Variants in SMARCC1 observed in about 807,000 individuals in gnomAD.
The protein encoded by SMARCC1 is SWI/SNF complex subunit SMARCC1.
Under a neutral mutation model 147.4 loss-of-function variants are expected in SMARCC1, and 43 were observed. That is an observed-to-expected ratio of 0.29 (90% CI 0.23 to 0.38). The LOEUF (loss-of-function observed/expected upper bound fraction) is 0.38. SMARCC1 is among the 10% of genes least tolerant of loss of function. The probability of loss-of-function intolerance (pLI) is 1.00; values close to 1 mark genes in which losing one functional copy is unlikely to be tolerated. For synonymous variants in SMARCC1, 495 were observed against 484.4 expected (o/e 1.02, Z -0.29); for missense variants, 1,119 against 1,381.1 (o/e 0.81, Z 3.01).
intron 21 of SMARCC1, among the ~76,000 whole-genome samples, chr3:47,645,400 G>A (rs2033106181): frequency 6.6e-6 from 1 of 151,828 alleles, no homozygotes; most frequent in Non-Finnish European, 1.5e-5. Flanking sequence ...GAGTAAAATT[G>A]AAGTTAAATA....
rs765609807 is a variant in SMARCC1 at position 47,662,524 on chromosome 3, T to C, written c.1968A>G (p.Glu656=). 2 of 1,613,680 alleles carry C rather than the reference T, an allele frequency of 1.2e-6. No individual in the cohort carries two copies. The highest frequency in any genetic ancestry group is 1.7e-5 in the Admixed American group (1 of 60,000). The stretch of plus-strand genomic sequence containing the variant: ...GAAGTCTCAAAAAGTGGAGGATGCA[T>C]TCATCCTGAGTACGACTTCCAACAT... ...SEHVGSRTQD[E]CILHFLRLPI... The change falls in exon 20 of 28, where the codon GAA becomes GAG. Residue 656 remains glutamate, a synonymous_variant. Transcript: ENST00000254480.
chr3:47,728,078 CTTTTTT>C (rs1166964500), intron 6 of SMARCC1, among the ~76,000 whole-genome samples: 8 of 56,860 alleles, frequency 1.4e-4, no homozygotes, highest in South Asian at 8.1e-4. Context: ...TTATTAGTCC[CTTTTTT>C]TTTTTTTTTT....
chr3:47,594,535 G>C (rs954750881), intron 26 of SMARCC1, among the ~76,000 whole-genome samples: 5 of 152,128 alleles, frequency 3.3e-5, no homozygotes, highest in African/African-American at 1.2e-4. Context: ...CAGGATAAAA[G>C]GGACAAATGG....
intron 14 of SMARCC1, among the ~76,000 whole-genome samples, chr3:47,683,008 T>C (rs182946374): frequency 6.6e-6 from 1 of 152,256 alleles, no homozygotes; most frequent in Admixed American, 6.5e-5. Flanking sequence ...TTGTATTTAC[T>C]GAAAACATCC....
intron 26 of SMARCC1, among the ~76,000 whole-genome samples, chr3:47,599,177 A>G (rs1466694675): frequency 6.6e-6 from 1 of 152,200 alleles, no homozygotes; most frequent in African/African-American, 2.4e-5. Context: ...ACCTGAGGTC[A>G]GGAGTTTGAG....
intron 18 of SMARCC1, among the ~76,000 whole-genome samples, chr3:47,673,181 CAA>C (rs933074882): frequency 2.6e-5 from 4 of 151,448 alleles, no homozygotes; most frequent in African/African-American, 9.7e-5. Context: ...CTCAGGAGTT[CAA>C]GACAAACCAG....
At chr3:47,747,939 T>C (rs1176435811) in intron 2 of SMARCC1, among the ~76,000 whole-genome samples, 1 of 151,486 alleles carries the variant, frequency 6.6e-6, no homozygotes, top group Non-Finnish European at 1.5e-5. Context: ...GGGTGGATCA[T>C]GTGAGGTGAG....
intron 24 of SMARCC1, among the ~76,000 whole-genome samples, chr3:47,634,027 T>C (rs578189822): frequency 6.6e-5 from 10 of 152,104 alleles, no homozygotes; most frequent in Non-Finnish European, 1.0e-4. Context: ...ATATTAGCCG[T>C]CACTTAAGCA....
chr3:47,596,772 G>C (rs546590821), intron 26 of SMARCC1, among the ~76,000 whole-genome samples: 1 of 152,056 alleles, frequency 6.6e-6, no homozygotes, highest in East Asian at 1.9e-4. Flanking sequence ...TTAGTGCCTA[G>C]AGCAGAGAAA....
At chr3:47,738,797 A>G (rs1176573718) in intron 3 of SMARCC1, among the ~76,000 whole-genome samples, 1 of 152,232 alleles carries the variant, frequency 6.6e-6, no homozygotes, top group African/African-American at 2.4e-5. Context: ...ATTTAAACAG[A>G]CAAGTTTTCT....
chr3:47,621,309 A>G (rs1230803353), intron 25 of SMARCC1, among the ~76,000 whole-genome samples: 1 of 151,978 alleles, frequency 6.6e-6, no homozygotes, highest in Non-Finnish European at 1.5e-5. Flanking sequence ...AAAAAAAAAA[A>G]AAAAAAAAAG....
intron 18 of SMARCC1, among the ~76,000 whole-genome samples, chr3:47,671,196 A>AAACAAAAAAAAAAAAACAAAAC (rs1553682000): frequency 1.2e-5 from 1 of 81,144 alleles, no homozygotes; most frequent in African/African-American, 4.0e-5. Flanking sequence ...AAAAAAAAAA[A>AAACAAAAAAAAAAAAACAAAAC]AACACACACA....
At chr3:47,622,020 A>G (rs968901392) in intron 25 of SMARCC1, among the ~76,000 whole-genome samples, 187 bp downstream of exon 25, 1 of 152,200 alleles carries the variant, frequency 6.6e-6, no homozygotes, top group African/African-American at 2.4e-5. Flanking sequence ...GAGTTAACAG[A>G]GTGCCTTTTA....
At chr3:47,634,080 T>G (rs539497926) in intron 24 of SMARCC1, among the ~76,000 whole-genome samples, 2 of 152,166 alleles carry the variant, frequency 1.3e-5, no homozygotes, top group African/African-American at 4.8e-5. Flanking sequence ...GTAGGGGAGA[T>G]AGAATAACTA....
chr3:47,624,894 T>TAAAA (rs60766054), intron 24 of SMARCC1, among the ~76,000 whole-genome samples: 3 of 111,752 alleles, frequency 2.7e-5, no homozygotes, highest in African/African-American at 3.4e-5. Context: ...TACTAAAAAT[T>TAAAA]AAAAAAAAAA....
In SMARCC1 at chr3:47,610,081, G is replaced by A. The variant is rs781044156; in HGVS notation, c.3028C>T (p.His1010Tyr). ...PLMHHQMPPP[H>Y]PPQPGQIPGP... ...TTCCTCTTACCTGGCTGGGGTGGAT[G>A]AGGTGGTGGCATCTGGTGGTGCATC... The change falls in exon 26 of 28, where the codon CAT becomes TAT. Residue 1010 changes from histidine (H) to tyrosine (Y), a missense_variant. His to Tyr is a moderately conservative substitution (Grantham distance 83). Coordinates refer to ENST00000254480, the MANE Select transcript of SMARCC1 (RefSeq NM_003074.4). 3 of 1,612,478 alleles carry A rather than the reference G, an allele frequency of 1.9e-6. No homozygotes were observed. The highest frequency in any genetic ancestry group is 2.7e-5 in the African/African-American group (2 of 74,886).
intron 10 of SMARCC1, among the ~76,000 whole-genome samples, chr3:47,702,627 C>A (rs1305342695): frequency 6.6e-6 from 1 of 152,212 alleles, no homozygotes. Context: ...AAGACAGGGT[C>A]TCACTCTGTT....
rs200485783 is a variant in SMARCC1, at chr3:47,708,099, T to C, written c.919-1569A>G. 2.9e-4 allele frequency among the ~76,000 whole-genome samples: 29 copies of C among 101,056 alleles called. 1 individual carries two copies. The highest frequency in any genetic ancestry group is 5.0e-4 in the East Asian group (2 of 3,994). The allele number at this position is 101,056 out of a possible 152,430, so 66.3% of individuals were successfully genotyped here. On this transcript the variant is annotated intron_variant, in intron 9 of 27. Transcript: ENST00000254480. ...ATTTTTTTTCTTTTTTTTTTTTTTT[T>C]TTTTTTTTTTTTTTTTTTGAGACAG...
chr3:47,774,015 T>C (rs2034945350), intron 1 of SMARCC1, among the ~76,000 whole-genome samples: 1 of 152,150 alleles, frequency 6.6e-6, no homozygotes, highest in Non-Finnish European at 1.5e-5. Flanking sequence ...ATTTTTATTT[T>C]TTTATTTTTT....
Sources: gnomAD v4.1 joint callset for allele counts (sites outside exome capture counted in the v4.1 genomes callset) on GRCh38, gnomAD v4.1.1 for gene constraint, MANE v1.5 for transcripts, NCBI Gene and HGNC (gene_info 2026-07-23, HGNC 2026-07-21) for gene names.